The following SPOCK1 variants were observed in gnomAD, a reference collection of about 807,000 sequenced individuals.
The protein encoded by SPOCK1 is testican-1.
In SPOCK1, 23 loss-of-function variants were observed where a neutral mutation model predicts 55.3. The ratio of observed to expected loss-of-function variants is 0.42; its 90% confidence interval spans 0.30 to 0.59. The LOEUF (loss-of-function observed/expected upper bound fraction) is 0.59, where lower values mean the gene tolerates loss of function less well. Among genes scored for constraint, SPOCK1 ranks in the 20% least tolerant of loss-of-function variants. The pLI, the probability that SPOCK1 is intolerant of heterozygous loss-of-function variation, is 0.22. For missense variants in SPOCK1, 499 were observed against 552.5 expected (o/e 0.90, Z 0.97); for synonymous variants, 226 against 221.0 (o/e 1.02, Z -0.20).
intron 6 of SPOCK1, among the ~76,000 whole-genome samples, chr5:137,013,445 T>G (rs1561579561): frequency 2.0e-5 from 3 of 152,244 alleles, no homozygotes. Context: ...AGAGTTTATT[T>G]AAATTTGCTT....
chr5:137,386,208 T>C (rs80228921), intron 2 of SPOCK1, among the ~76,000 whole-genome samples: 13,010 of 152,230 alleles, frequency 0.085, 1,262 homozygotes, highest in African/African-American at 0.24. Flanking sequence ...ACTACAAAAC[T>C]CTGATGAAAG....
chr5:137,201,510 G>C (rs1755424289), intron 3 of SPOCK1, among the ~76,000 whole-genome samples: 1 of 152,138 alleles, frequency 6.6e-6, no homozygotes, highest in African/African-American at 2.4e-5. Context: ...ATTTCCAGCT[G>C]TTTGGGGAAG....
intron 3 of SPOCK1, among the ~76,000 whole-genome samples, chr5:137,185,825 C>T (rs147421399): frequency 1.3e-5 from 2 of 152,188 alleles, no homozygotes; most frequent in East Asian, 3.9e-4. Flanking sequence ...CAAGCTGTGT[C>T]TCTGCTAGAT....
intron 2 of SPOCK1, among the ~76,000 whole-genome samples, chr5:137,366,127 T>C (rs1751055875): frequency 6.6e-6 from 1 of 152,136 alleles, no homozygotes; most frequent in South Asian, 2.1e-4. Context: ...CAGACAAAAA[T>C]CTGGGATTTT....
At position 137,316,559 on chromosome 5, in the gene SPOCK1, C is replaced by A. The variant is rs1050791588; in HGVS notation, c.187-49504G>T. ...CCCTCTCTGCTAGCTTCCAGGCCCA[C>A]AACCAGGACTTGTGACTCACAGTTT... On this transcript the variant is annotated intron_variant, in intron 2 of 10. Coordinates refer to ENST00000394945, the MANE Select transcript of SPOCK1 (RefSeq NM_004598.4). Among the ~76,000 whole-genome samples the A allele has an allele frequency of 5.3e-5, 8 of 152,336 alleles. No individual in the cohort carries two copies. In the Middle Eastern group the frequency reaches 0.017, roughly 324 times the overall value.
At chr5:137,427,788 AG>A in intron 2 of SPOCK1, among the ~76,000 whole-genome samples, 1 of 151,880 alleles carries the variant, frequency 6.6e-6, no homozygotes, top group Non-Finnish European at 1.5e-5. Flanking sequence ...GGGTGGCTGT[AG>A]TCCCAGCTAC....
intron 2 of SPOCK1, among the ~76,000 whole-genome samples, chr5:137,412,981 G>GAA (rs571656051): frequency 0.082 from 11,732 of 142,488 alleles, 1,160 homozygotes; most frequent in African/African-American, 0.25. Flanking sequence ...GTGTTAAGTG[G>GAA]AAAAAAAAAA....
intron 3 of SPOCK1, among the ~76,000 whole-genome samples, chr5:137,241,562 G>C (rs1265774585): frequency 6.6e-6 from 1 of 152,176 alleles, no homozygotes; most frequent in Non-Finnish European, 1.5e-5. Context: ...GTGGAGCCCA[G>C]TGGAAGATGC....
chr5:137,121,545 AT>A (rs1753683696), intron 4 of SPOCK1, among the ~76,000 whole-genome samples: 1 of 148,346 alleles, frequency 6.7e-6, no homozygotes, highest in Admixed American at 6.8e-5. Flanking sequence ...GTGAAACCAA[AT>A]TTATATATAA....
At chr5:137,030,026 G>C (rs1199156534) in intron 6 of SPOCK1, among the ~76,000 whole-genome samples, 1 of 152,198 alleles carries the variant, frequency 6.6e-6, no homozygotes, top group Non-Finnish European at 1.5e-5. Context: ...CACTTTCTGT[G>C]GGTCAAAAAT....
chr5:137,176,860 A>G (rs949092744), intron 3 of SPOCK1, among the ~76,000 whole-genome samples: 1 of 152,158 alleles, frequency 6.6e-6, no homozygotes, highest in Admixed American at 6.5e-5. Context: ...CTCTTCTTAT[A>G]ATATTCTCCT....
chr5:137,442,414 G>A (rs1753034375), intron 2 of SPOCK1, among the ~76,000 whole-genome samples: 1 of 152,200 alleles, frequency 6.6e-6, no homozygotes, highest in Admixed American at 6.5e-5. Context: ...TCAGCCATGG[G>A]ATCTTGTACA....
chr5:137,122,711 A>G (rs1753709338), intron 4 of SPOCK1, among the ~76,000 whole-genome samples: 1 of 152,242 alleles, frequency 6.6e-6, no homozygotes, highest in African/African-American at 2.4e-5. Context: ...AGGAGGGGCC[A>G]GAGCAGCTGG....
intron 3 of SPOCK1, among the ~76,000 whole-genome samples, chr5:137,169,207 G>A (rs1754702404): frequency 6.6e-6 from 1 of 151,970 alleles, no homozygotes; most frequent in Non-Finnish European, 1.5e-5. Context: ...GGGGTTGGGG[G>A]GAAGTGGGGA....
intron 3 of SPOCK1, among the ~76,000 whole-genome samples, chr5:137,163,426 A>G (rs1043549216): frequency 4.6e-5 from 7 of 152,186 alleles, no homozygotes; most frequent in Non-Finnish European, 7.3e-5. Context: ...TATACAAGAT[A>G]TTTTAGGATG....
At chr5:137,165,508 C>G (rs1223462759) in intron 3 of SPOCK1, among the ~76,000 whole-genome samples, 1 of 152,196 alleles carries the variant, frequency 6.6e-6, no homozygotes. Flanking sequence ...TGCCCAGACA[C>G]AGATGGACAT....
chr5:137,395,848 C>G (rs962696758), intron 2 of SPOCK1, among the ~76,000 whole-genome samples: 7 of 152,116 alleles, frequency 4.6e-5, no homozygotes, highest in African/African-American at 1.7e-4. Flanking sequence ...GTGCACTTAC[C>G]CTCTGAGAAA....
At chr5:137,243,112 T>C (rs1756319511) in intron 3 of SPOCK1, among the ~76,000 whole-genome samples, 1 of 152,204 alleles carries the variant, frequency 6.6e-6, no homozygotes, top group South Asian at 2.1e-4. Context: ...TCTGGGATTA[T>C]TTTTTAGAAA....
chr5:137,341,722 G>C (rs1287963186), intron 2 of SPOCK1, among the ~76,000 whole-genome samples: 1 of 152,188 alleles, frequency 6.6e-6, no homozygotes, highest in East Asian at 1.9e-4. Context: ...GCTGAGAGTA[G>C]AGACGACACT....
Sources: gnomAD v4.1 joint callset for allele counts (sites outside exome capture counted in the v4.1 genomes callset) on GRCh38, gnomAD v4.1.1 for gene constraint, MANE v1.5 for transcripts, NCBI Gene and HGNC (gene_info 2026-07-23, HGNC 2026-07-21) for gene names.